Variants in MYO5B observed in about 807,000 individuals in gnomAD.
MYO5B encodes the protein unconventional myosin-Vb.
Under a neutral mutation model 229.3 loss-of-function variants are expected in MYO5B, and 143 were observed. The ratio of observed to expected loss-of-function variants is 0.62; its 90% CI spans 0.54 to 0.72. The LOEUF is 0.72. Among genes scored for constraint, MYO5B ranks in the 30% least tolerant of loss-of-function variants. The probability of loss-of-function intolerance (pLI) is 0.00; values close to 1 mark genes in which losing one functional copy is unlikely to be tolerated. For missense variants in MYO5B, 2,321 were observed against 2,331.0 expected (o/e 1.00, Z 0.09); for synonymous variants, 918 against 885.2 (o/e 1.04, Z -0.66).
intron 1 of MYO5B, among the ~76,000 whole-genome samples, chr18:50,083,881 G>A (rs17802069): frequency 0.25 from 38,021 of 152,018 alleles, 5,664 homozygotes; most frequent in African/African-American, 0.42. Flanking sequence ...AGGAAGGTTT[G>A]CAGTTAAATG....
rs1222388866 is a variant in MYO5B at position 49,902,797 on chromosome 18, G to C, written c.2608C>G (p.His870Asp). ...CTGCGTGCCATCCAGCCCCGCACGTGCTTCTGGATGGTGGTGGCCTTGTGC... is the reference window on the plus strand; with the variant it reads ...CTGCGTGCCATCCAGCCCCGCACGTCCTTCTGGATGGTGGTGGCCTTGTGC... ...MEHKATTIQKHVRGWMARRHF... is the reference protein window; with the variant it reads ...MEHKATTIQKDVRGWMARRHF... Residue 870 changes from histidine to aspartate, a missense_variant, in exon 21 of 40, where the codon CAC (histidine) becomes GAC (aspartate). His to Asp is a moderately conservative substitution (Grantham distance 81). Around this residue, in one of 2 missense-constraint regions of MYO5B, gnomAD observed 2,113 missense variants for 2,044.7 expected, o/e 1.03. Transcript: ENST00000285039. 2.5e-6 allele frequency: 4 copies of C among 1,602,126 alleles called. No homozygotes were observed. The African/African-American group carries it at 5.3e-5, about 21-fold the overall frequency.
chr18:50,013,774 T>C lies in MYO5B; in HGVS notation c.456-12363A>G, dbSNP rs542848194. Among the ~76,000 whole-genome samples the C allele has an allele frequency of 4.6e-5, 7 of 152,312 alleles. No homozygotes were observed. In the South Asian group the frequency reaches 1.5e-3, roughly 32 times the overall value. ...ACCTCAGTTTTCCCTTCTGACAACG[T>C]GAGGCAGGTCAGAAAACACTCACTT... On this transcript the variant is annotated intron_variant, in intron 4 of 39. Coordinates refer to ENST00000285039, the MANE Select transcript of MYO5B (RefSeq NM_001080467.3).
intron 1 of MYO5B, among the ~76,000 whole-genome samples, chr18:50,060,725 T>C (rs981897217): frequency 3.3e-5 from 5 of 152,194 alleles, no homozygotes; most frequent in Non-Finnish European, 5.9e-5. Context: ...GCAGCTGTTC[T>C]CCTACATACA....
At chr18:50,053,647 G>A (rs2030463465) in intron 2 of MYO5B, among the ~76,000 whole-genome samples, 1 of 146,630 alleles carries the variant, frequency 6.8e-6, no homozygotes, top group South Asian at 2.2e-4. Context: ...CTACTAGGAA[G>A]AGGAATGTGA....
intron 31 of MYO5B, chr18:49,849,970 C>T: frequency 2.4e-6 from 1 of 416,206 alleles, no homozygotes; most frequent in Non-Finnish European, 4.5e-6. Flanking sequence ...CCATGCCAAC[C>T]CCCCAGGAGA....
chr18:49,983,506 T>C (rs557347036), intron 8 of MYO5B, among the ~76,000 whole-genome samples: 7 of 152,170 alleles, frequency 4.6e-5, no homozygotes, highest in Non-Finnish European at 7.3e-5. Flanking sequence ...GAACTAAAGC[T>C]CAGCTAGGAT....
At chr18:50,106,734 A>G (rs1485732693) in intron 1 of MYO5B, among the ~76,000 whole-genome samples, 1 of 152,068 alleles carries the variant, frequency 6.6e-6, no homozygotes, top group Non-Finnish European at 1.5e-5. Flanking sequence ...TGCTAACTCC[A>G]CATGTCAGAC....
intron 1 of MYO5B, among the ~76,000 whole-genome samples, chr18:50,134,197 G>A (rs1214081213): frequency 2.6e-5 from 4 of 152,020 alleles, no homozygotes; most frequent in Admixed American, 6.6e-5. Flanking sequence ...TAAATTTGTT[G>A]TTCAAACTTC....
intron 5 of MYO5B, among the ~76,000 whole-genome samples, chr18:49,995,461 G>A (rs191796587): frequency 6.6e-5 from 10 of 151,184 alleles, no homozygotes; most frequent in East Asian, 1.9e-4. Context: ...GGGTTTCACC[G>A]TGTTAGCCAG....
At chr18:50,105,046 T>C (rs2031729464) in intron 1 of MYO5B, among the ~76,000 whole-genome samples, 1 of 141,486 alleles carries the variant, frequency 7.1e-6, no homozygotes. Flanking sequence ...AAGTTAAGAC[T>C]TGGCTTCTGG....
rs1196124377 is a variant in MYO5B, at chr18:49,984,806, G to T, written c.858C>A (p.Phe286Leu). 6.2e-7 allele frequency: 1 copy of T among 1,612,884 alleles called. No homozygotes were observed. The highest frequency in any genetic ancestry group is 1.3e-5 in the African/African-American group (1 of 74,998). ...AAGTGTCTCCTCCCTGTGATGTATAGAAAAAGTCCTCTGCACTTGCTGTGG... is the reference window on the plus strand; with the variant it reads ...AAGTGTCTCCTCCCTGTGATGTATATAAAAAGTCCTCTGCACTTGCTGTGG... ...ELALTSAEDF[F>L]YTSQGGDTSI... Residue 286 changes from phenylalanine (F) to leucine (L), a missense_variant, in exon 8 of 40, where the codon TTC (phenylalanine) becomes TTA (leucine). By Grantham distance (22) the Phe-to-Leu change is conservative (BLOSUM62 0). Around this residue, in one of 2 missense-constraint regions of MYO5B, gnomAD observed 2,113 missense variants for 2,044.7 expected, o/e 1.03. Transcript: ENST00000285039.
At chr18:50,122,635 GAGAGAGAGAGAGAGAGAGAGAGAGAGA>G (rs1220646550) in intron 1 of MYO5B, among the ~76,000 whole-genome samples, 6 of 6,102 alleles carry the variant, frequency 9.8e-4, no homozygotes, top group East Asian at 7.8e-3. Flanking sequence ...AAGGGGGGGG[GAGAGAGAGAGAGAGAGAGAGAGAGAGA>G]GAGAGAGAGA....
chr18:49,976,344 C>G (rs2025750398), intron 9 of MYO5B, among the ~76,000 whole-genome samples: 1 of 152,168 alleles, frequency 6.6e-6, no homozygotes, highest in African/African-American at 2.4e-5. Context: ...CTACCCAAAA[C>G]AGTTATAAAA....
At chr18:50,044,042 A>T (rs1023676300) in intron 2 of MYO5B, among the ~76,000 whole-genome samples, 7 of 152,232 alleles carry the variant, frequency 4.6e-5, no homozygotes, top group Non-Finnish European at 7.4e-5. Flanking sequence ...GCAATAAAAA[A>T]TTTTTTTAAA....
chr18:49,863,746 C>G (rs2024360152), intron 28 of MYO5B, among the ~76,000 whole-genome samples: 1 of 152,196 alleles, frequency 6.6e-6, no homozygotes, highest in Admixed American at 6.5e-5. Context: ...TGTCCCCACC[C>G]TCTGGCTCTA....
At chr18:50,040,962 A>C (rs947901365) in intron 2 of MYO5B, among the ~76,000 whole-genome samples, 1 of 152,196 alleles carries the variant, frequency 6.6e-6, no homozygotes, top group African/African-American at 2.4e-5. Context: ...AAGCACCCAA[A>C]AATGTTCATT....
chr18:50,049,091 A>G (rs536342783), intron 2 of MYO5B, among the ~76,000 whole-genome samples: 1 of 151,788 alleles, frequency 6.6e-6, no homozygotes, highest in East Asian at 1.9e-4. Flanking sequence ...TGAGTGGAGT[A>G]GCATCAAATA....
chr18:50,158,080 G>A (rs552012970), intron 1 of MYO5B, among the ~76,000 whole-genome samples: 23 of 152,286 alleles, frequency 1.5e-4, no homozygotes, highest in African/African-American at 5.5e-4. Context: ...GTGGGCACAC[G>A]AAGGCATTTC....
intron 13 of MYO5B, among the ~76,000 whole-genome samples, chr18:49,953,972 T>A (rs900234634): frequency 6.7e-6 from 1 of 149,494 alleles, no homozygotes; most frequent in Non-Finnish European, 1.5e-5. Context: ...TGTGTATGTG[T>A]GTGTGTATAG....
Sources: gnomAD v4.1 joint callset for allele counts (sites outside exome capture counted in the v4.1 genomes callset) on GRCh38, gnomAD v4.1.1 for gene constraint, gnomAD v4.1.1 regional missense constraint, MANE v1.5 for transcripts, NCBI Gene and HGNC (gene_info 2026-07-23, HGNC 2026-07-21) for gene names.